Variants in ZFPM2 observed in about 807,000 individuals in gnomAD.
ZFPM2 encodes the protein zinc finger protein, FOG family member 2.
A neutral mutation model predicts 98.6 loss-of-function variants in ZFPM2; 20 were observed. The observed-to-expected ratio is 0.20, with a 90% CI of 0.14 to 0.29. The LOEUF (loss-of-function observed/expected upper bound fraction) is 0.29. Ranked by LOEUF, ZFPM2 falls within the 10% of genes least tolerant of loss-of-function variation. ZFPM2 has a pLI of 1.00. For missense variants in ZFPM2, 1,310 were observed against 1,388.6 expected (o/e 0.94, Z 0.90); for synonymous variants, 518 against 502.7 (o/e 1.03, Z -0.41).
intron 3 of ZFPM2, among the ~76,000 whole-genome samples, chr8:105,457,520 G>A (rs945271224): frequency 4.6e-5 from 7 of 152,164 alleles, no homozygotes; most frequent in African/African-American, 1.7e-4. Context: ...AAAACACATG[G>A]CTGCAGGTAC....
At chr8:105,630,864 A>AG (rs35967546) in intron 4 of ZFPM2, among the ~76,000 whole-genome samples, 17 of 151,990 alleles carry the variant, frequency 1.1e-4, no homozygotes, top group Admixed American at 2.6e-4. Flanking sequence ...GGTTGGAGGG[A>AG]GGGGGGAGTG....
chr8:105,752,773 T>C lies in ZFPM2; in HGVS notation c.533-35945T>C, dbSNP rs78028698. Among the ~76,000 whole-genome samples the C allele has an allele frequency of 7.6e-3, 1,162 of 152,238 alleles. 17 individuals are homozygous for C. The highest frequency in any genetic ancestry group is 0.026 in the African/African-American group (1,096 of 41,550). On this transcript the variant is annotated intron_variant, in intron 5 of 7. Transcript: ENST00000407775. ...AACCCTCTATATAATTGTCTAAATA[T>C]TTTTCTGCCTCTATAGATACTTGAA... is the stretch of plus-strand genomic sequence containing the variant.
chr8:105,669,067 TA>T (rs1817540495), intron 5 of ZFPM2, among the ~76,000 whole-genome samples: 1 of 152,128 alleles, frequency 6.6e-6, no homozygotes, highest in Admixed American at 6.6e-5. Context: ...TGCTATAGGA[TA>T]GAGTAAAAAG....
At chr8:105,629,039 C>A (rs1252526342) in intron 4 of ZFPM2, among the ~76,000 whole-genome samples, 1 of 152,182 alleles carries the variant, frequency 6.6e-6, no homozygotes, top group African/African-American at 2.4e-5. Flanking sequence ...TGCTGTGGGG[C>A]CTGCATGGAG....
At chr8:105,755,179 G>C (rs569436230) in intron 5 of ZFPM2, among the ~76,000 whole-genome samples, 1 of 152,216 alleles carries the variant, frequency 6.6e-6, no homozygotes, top group South Asian at 2.1e-4. Flanking sequence ...GCATTGGAAA[G>C]ACTTCATAAT....
At chr8:105,404,661 A>G (rs757498217) in intron 1 of ZFPM2, among the ~76,000 whole-genome samples, 15 of 152,048 alleles carry the variant, frequency 9.9e-5, no homozygotes, top group Non-Finnish European at 1.9e-4. Flanking sequence ...ACTTTCCCCA[A>G]CATACATACA....
intron 6 of ZFPM2, among the ~76,000 whole-genome samples, chr8:105,789,847 A>G (rs1813544563): frequency 6.6e-6 from 1 of 150,818 alleles, no homozygotes; most frequent in South Asian, 2.1e-4. Flanking sequence ...GATGGTGAGC[A>G]TTTTTTCATG....
rs773023421 is a variant in ZFPM2, at chr8:105,617,020, G to GAAAAAAAAA, written c.421-17194_421-17186dup. Among the ~76,000 whole-genome samples, 21 of 28,136 alleles carry GAAAAAAAAA rather than the reference G, an allele frequency of 7.5e-4. 5 individuals carry two copies. Among genetic ancestry groups the GAAAAAAAAA allele is most frequent in the South Asian group, 1.8e-3 (1 of 544 alleles). The allele number at this position is 28,136 out of a possible 152,430, so 18.5% of individuals were successfully genotyped here. ...GGACTACTGAGCAAGACTCTGTCTC[G>GAAAAAAAAA]AAAAAAAAAAAAAAAAAAAAAAAAA... On this transcript the variant is annotated intron_variant, in intron 4 of 7. Transcript: ENST00000407775.
intron 4 of ZFPM2, among the ~76,000 whole-genome samples, chr8:105,586,385 C>T (rs754332111): frequency 2.0e-5 from 3 of 151,594 alleles, no homozygotes; most frequent in East Asian, 1.9e-4. Context: ...GAGAAGTACA[C>T]GCAACCGAGT....
intron 3 of ZFPM2, among the ~76,000 whole-genome samples, chr8:105,482,995 T>TTTCCTTCCTTCCTTCCTTACTTCC (rs1813153116): frequency 1.9e-5 from 1 of 51,406 alleles, no homozygotes; most frequent in African/African-American, 8.4e-5. Flanking sequence ...CCCCCCATCC[T>TTTCCTTCCTTCCTTCCTTACTTCC]TTCCTTCCTT....
At chr8:105,655,223 CTTTTTTTTTTT>C (rs34262627) in intron 5 of ZFPM2, among the ~76,000 whole-genome samples, 2 of 76,088 alleles carry the variant, frequency 2.6e-5, no homozygotes, top group South Asian at 5.3e-4. Flanking sequence ...TGCATTGAGT[CTTTTTTTTTTT>C]TTTTTTTTTT....
chr8:105,401,922 C>T (rs185095238), intron 1 of ZFPM2, among the ~76,000 whole-genome samples: 3 of 151,914 alleles, frequency 2.0e-5, no homozygotes, highest in Non-Finnish European at 2.9e-5. Context: ...AGATTTATTC[C>T]CTGTTTTTAG....
chr8:105,489,422 T>TTA (rs2130424613), intron 3 of ZFPM2, among the ~76,000 whole-genome samples: 1 of 145,506 alleles, frequency 6.9e-6, no homozygotes, highest in Admixed American at 6.8e-5. Context: ...GATATATCTT[T>TTA]TATATATATT....
intron 5 of ZFPM2, among the ~76,000 whole-genome samples, chr8:105,696,289 G>A (rs1425510043): frequency 1.3e-5 from 2 of 152,088 alleles, no homozygotes; most frequent in Admixed American, 6.6e-5. Flanking sequence ...CTACCAAATC[G>A]AGTAAGTCTT....
chr8:105,804,197 T>C lies in ZFPM2; in HGVS notation c.*659T>C, dbSNP rs1365577185. ...CAATTTTTTTCTTGTATAGTACTTG[T>C]ATTTTCTTTCGCTGATGCAGCTCTG... On this transcript the variant is annotated 3_prime_UTR_variant, in exon 8 of 8. Coordinates refer to ENST00000407775, the MANE Select transcript of ZFPM2 (RefSeq NM_012082.4). 2.0e-5 allele frequency: 3 copies of C among 152,666 alleles called. No homozygotes were observed. The highest frequency in any genetic ancestry group is 4.8e-5 in the African/African-American group (2 of 41,460). 9.5% of individuals were successfully genotyped at this position (152,666 alleles called of 1,614,324 possible).
intron 3 of ZFPM2, among the ~76,000 whole-genome samples, chr8:105,483,304 G>A (rs1684773596): frequency 6.6e-6 from 1 of 151,984 alleles, no homozygotes; most frequent in Non-Finnish European, 1.5e-5. Flanking sequence ...TTTATGTTCA[G>A]TTGAGCTGGG....
intron 3 of ZFPM2, among the ~76,000 whole-genome samples, chr8:105,459,331 G>C (rs556216540): frequency 6.6e-6 from 1 of 152,166 alleles, no homozygotes; most frequent in Non-Finnish European, 1.5e-5. Context: ...GGTGGCAGGG[G>C]AGGGTGCTTT....
At chr8:105,465,584 GATAT>G (rs549209022) in intron 3 of ZFPM2, among the ~76,000 whole-genome samples, 1 of 151,734 alleles carries the variant, frequency 6.6e-6, no homozygotes, top group Non-Finnish European at 1.5e-5. Context: ...AAATATAGTT[GATAT>G]ATATAGTTGA....
At chr8:105,638,350 G>C (rs1195064134) in intron 5 of ZFPM2, among the ~76,000 whole-genome samples, 2 of 152,018 alleles carry the variant, frequency 1.3e-5, no homozygotes, top group Non-Finnish European at 2.9e-5. Flanking sequence ...TAAAACCAAG[G>C]ATATGCTGCC....
Sources: gnomAD v4.1 joint callset for allele counts (sites outside exome capture counted in the v4.1 genomes callset) on GRCh38, gnomAD v4.1.1 for gene constraint, MANE v1.5 for transcripts, NCBI Gene and HGNC (gene_info 2026-07-23, HGNC 2026-07-21) for gene names.